The following ANTXR2 variants were observed in gnomAD, a reference collection of about 807,000 sequenced individuals.
ANTXR2 encodes the protein ANTXR cell adhesion molecule 2, also known as anthrax toxin receptor 2.
A neutral mutation model predicts 73.7 loss-of-function variants in ANTXR2; 44 were observed. The observed-to-expected ratio is 0.60, with a 90% CI of 0.47 to 0.77. The LOEUF (loss-of-function observed/expected upper bound fraction) is 0.77. ANTXR2 is among the 30% of genes least tolerant of loss of function. The pLI is 0.00. For synonymous variants in ANTXR2, 217 were observed against 205.9 expected, an observed-to-expected ratio of 1.05 and a Z score of -0.46; for missense variants, 604 against 592.5, an observed-to-expected ratio of 1.02 and a Z score of -0.20.
At chr4:79,966,859 T>G (rs1298889713) in intron 16 of ANTXR2, among the ~76,000 whole-genome samples, 1 of 152,178 alleles carries the variant, frequency 6.6e-6, no homozygotes, top group Non-Finnish European at 1.5e-5. Flanking sequence ...AAGTTGCCTT[T>G]GTCAATCAAG....
intron 12 of ANTXR2, among the ~76,000 whole-genome samples, chr4:79,999,675 T>C (rs1344562848): frequency 6.6e-6 from 1 of 152,080 alleles, no homozygotes; most frequent in East Asian, 1.9e-4. Context: ...CTTTATTAAC[T>C]CATTAAGTAA....
chr4:79,998,336 C>T (rs947356847), intron 12 of ANTXR2, among the ~76,000 whole-genome samples: 6 of 151,982 alleles, frequency 3.9e-5, no homozygotes, highest in Admixed American at 1.3e-4. Context: ...GGCTGCAGAA[C>T]ATTGGCCAAG....
intron 12 of ANTXR2, among the ~76,000 whole-genome samples, chr4:79,992,374 C>T (rs1316369676): frequency 2.0e-5 from 3 of 151,388 alleles, no homozygotes; most frequent in Non-Finnish European, 4.4e-5. Flanking sequence ...AGATCCAAAC[C>T]TCAGGGAAAA....
chr4:79,949,536 C>T lies in ANTXR2; in HGVS notation c.1428+28085G>A, dbSNP rs569868430. Among the ~76,000 whole-genome samples the T allele has an allele frequency of 4.6e-5, 7 of 152,218 alleles. No homozygotes were observed. The South Asian group carries it at 1.5e-3, about 32-fold the overall frequency. On this transcript the variant is annotated intron_variant, in intron 16 of 16. Coordinates refer to ENST00000403729, the MANE Select transcript of ANTXR2 (RefSeq NM_058172.6). ...GTATTGCTTACAGAAATGTACTGAACAAATCTCAGTGTCTTCAGTGGCCCA... is the reference window on the plus strand; with the variant it reads ...GTATTGCTTACAGAAATGTACTGAATAAATCTCAGTGTCTTCAGTGGCCCA...
chr4:80,058,563 A>T (rs1371106394), intron 3 of ANTXR2, among the ~76,000 whole-genome samples: 1 of 152,072 alleles, frequency 6.6e-6, no homozygotes, highest in Non-Finnish European at 1.5e-5. Flanking sequence ...ACCCTTGAAG[A>T]ATCCCAAGCA....
intron 3 of ANTXR2, among the ~76,000 whole-genome samples, chr4:80,056,513 G>A (rs533968339): frequency 3.9e-5 from 6 of 151,904 alleles, no homozygotes; most frequent in South Asian, 4.1e-4. Context: ...TCCCAGAGTC[G>A]TAAGTCTCAT....
chr4:79,908,375 A>G (rs1007060428), intron 16 of ANTXR2, among the ~76,000 whole-genome samples: 1 of 152,144 alleles, frequency 6.6e-6, no homozygotes, highest in Non-Finnish European at 1.5e-5. Flanking sequence ...ATTTCCCTCT[A>G]AATGTAAGTT....
intron 13 of ANTXR2, among the ~76,000 whole-genome samples, chr4:79,984,378 G>A (rs1730016262): frequency 6.6e-6 from 1 of 152,176 alleles, no homozygotes; most frequent in Non-Finnish European, 1.5e-5. Context: ...AAGATAGGCA[G>A]TTGAGAAGCT....
chr4:80,071,994 C>G (rs1486567613), intron 1 of ANTXR2, among the ~76,000 whole-genome samples: 1 of 152,180 alleles, frequency 6.6e-6, no homozygotes, highest in African/African-American at 2.4e-5. Flanking sequence ...GCATGTTAAC[C>G]CTAGGCTTTT....
intron 11 of ANTXR2, among the ~76,000 whole-genome samples, chr4:80,009,429 CG>C (rs1223383546): frequency 6.6e-6 from 1 of 152,108 alleles, no homozygotes; most frequent in Non-Finnish European, 1.5e-5. Flanking sequence ...CACGATGCAA[CG>C]AATTATGAAT....
intron 14 of ANTXR2, among the ~76,000 whole-genome samples, chr4:79,980,684 G>A (rs1455213115): frequency 6.6e-6 from 1 of 152,092 alleles, no homozygotes; most frequent in Admixed American, 6.6e-5. Flanking sequence ...GAAGTCATTA[G>A]GTATTGTGGA....
chr4:79,980,760 A>G (rs949320754), intron 14 of ANTXR2, among the ~76,000 whole-genome samples: 2 of 152,134 alleles, frequency 1.3e-5, no homozygotes, highest in Non-Finnish European at 2.9e-5. Flanking sequence ...TCCCATTACC[A>G]TAGTGTTTAA....
intron 16 of ANTXR2, among the ~76,000 whole-genome samples, chr4:79,966,860 G>A (rs576731063): frequency 6.6e-6 from 1 of 152,234 alleles, no homozygotes; most frequent in East Asian, 1.9e-4. Flanking sequence ...AGTTGCCTTT[G>A]TCAATCAAGA....
chr4:79,931,940 T>C (rs1728074411), intron 16 of ANTXR2, among the ~76,000 whole-genome samples: 1 of 152,254 alleles, frequency 6.6e-6, no homozygotes, highest in Admixed American at 6.5e-5. Flanking sequence ...TTTTTCTCTA[T>C]AGCCCTTGCT....
chr4:80,058,240 GT>G (rs1035621741), intron 3 of ANTXR2, among the ~76,000 whole-genome samples: 43 of 151,564 alleles, frequency 2.8e-4, no homozygotes, highest in African/African-American at 9.7e-4. Flanking sequence ...TGGATTCAAG[GT>G]TTTTTTTTGT....
rs28645467 is a variant in ANTXR2, at chr4:79,984,586, T to C, written c.1086+233A>G. 0.48 allele frequency among the ~76,000 whole-genome samples: 73,145 copies of C among 151,962 alleles called. 20,194 individuals carry two copies. The highest frequency in any genetic ancestry group is 0.94 in the East Asian group (4,846 of 5,162). On this transcript the variant is annotated intron_variant, in intron 13 of 16. Coordinates refer to ENST00000403729, the MANE Select transcript of ANTXR2 (RefSeq NM_058172.6). ...ACTATAAAAGTATATTAAATCTTTA[T>C]GTACTATTGATTCCAATGGCCAGTT...
intron 14 of ANTXR2, among the ~76,000 whole-genome samples, chr4:79,980,921 TAAAAAAAAAAA>T: frequency 7.3e-6 from 1 of 137,570 alleles, no homozygotes; most frequent in African/African-American, 2.7e-5. Flanking sequence ...TTAAGGGCTT[TAAAAAAAAAAA>T]AAAAAAAAAA....
chr4:79,934,598 AT>A (rs2109965632), intron 16 of ANTXR2, among the ~76,000 whole-genome samples: 1 of 151,948 alleles, frequency 6.6e-6, no homozygotes, highest in East Asian at 1.9e-4. Context: ...CTTTCACCTT[AT>A]TTTCATCATT....
intron 16 of ANTXR2, among the ~76,000 whole-genome samples, chr4:79,926,370 T>G (rs1727781126): frequency 6.6e-6 from 1 of 152,124 alleles, no homozygotes; most frequent in Non-Finnish European, 1.5e-5. Context: ...AGGCTCTAGC[T>G]CTAATCCTAC....
Sources: allele counts gnomAD v4.1 joint callset (sites outside exome capture counted in the v4.1 genomes callset), GRCh38; gene constraint gnomAD v4.1.1; transcripts MANE v1.5; gene names NCBI Gene and HGNC (gene_info 2026-07-23, HGNC 2026-07-21).